PCDH18: variants seen among roughly 807,000 people sequenced by gnomAD.
PCDH18 encodes protocadherin-18.
In PCDH18, 38 loss-of-function variants were observed where a neutral mutation model predicts 71.5. The observed-to-expected ratio is 0.53, with a 90% CI of 0.41 to 0.70. The LOEUF (loss-of-function observed/expected upper bound fraction) is 0.70. Ranked by LOEUF, PCDH18 falls within the 30% of genes least tolerant of loss-of-function variation. The probability of loss-of-function intolerance (pLI) is 0.00; values close to 1 mark genes in which losing one functional copy is unlikely to be tolerated. For synonymous variants in PCDH18, 565 were observed against 505.4 expected (o/e 1.12, Z -1.58); for missense variants, 1,334 against 1,384.6 (o/e 0.96, Z 0.58).
In PCDH18 at chr4:137,521,689, T is replaced by C. The variant is rs1037323028; in HGVS notation, c.2748A>G (p.Arg916=). Residue 916 remains arginine, a synonymous_variant, in exon 4 of 4, where the codon AGA becomes AGG. Transcript: ENST00000344876. Reference sequence around the variant, plus strand: ...GGACCCTGCACTCCTCCGTGCAGAGTCTCATAGCTGCACTCAAGAAAAACA... The same window carrying C: ...GGACCCTGCACTCCTCCGTGCAGAGCCTCATAGCTGCACTCAAGAAAAACA... ...LTDGRIPAAM[R]LCTEECRVLG... is the part of the protein sequence containing the mutation. 1.8e-5 allele frequency: 28 copies of C among 1,597,944 alleles called. No homozygotes were observed. In the Admixed American group the frequency reaches 3.3e-4, roughly 19 times the overall value.
chr4:137,519,760 C>T lies in PCDH18; in HGVS notation c.*1269G>A, dbSNP rs951371226. On this transcript the variant is annotated 3_prime_UTR_variant, in exon 4 of 4. Coordinates refer to ENST00000344876, the MANE Select transcript of PCDH18 (RefSeq NM_019035.5). ...AGAAAAATTTTCTGGAGAGTACAAT[C>T]AAGATAGTGTATTATTAGAAATAAC... 6.6e-6 allele frequency: 1 copy of T among 152,174 alleles called. No individual in the cohort carries two copies. The highest frequency in any genetic ancestry group is 2.4e-5 in the African/African-American group (1 of 41,376). 9.4% of individuals were successfully genotyped at this position (152,174 alleles called of 1,614,324 possible).
At chr4:137,525,601 A>G (rs1362972843) in intron 3 of PCDH18, among the ~76,000 whole-genome samples, 4 of 152,190 alleles carry the variant, frequency 2.6e-5, no homozygotes, top group South Asian at 2.1e-4. Context: ...TTATCTTTGT[A>G]TAGATACACA....
At chr4:137,528,402 G>A (rs1731540388) in intron 3 of PCDH18, 76 bp downstream of exon 3, 1 of 1,130,950 alleles carries the variant, frequency 8.8e-7, no homozygotes, top group East Asian at 2.4e-5. Context: ...AGAAATATAA[G>A]CATGAGAGAA....
chr4:137,526,284 A>T (rs1016137501), intron 3 of PCDH18, among the ~76,000 whole-genome samples: 1 of 152,084 alleles, frequency 6.6e-6, no homozygotes, highest in Non-Finnish European at 1.5e-5. Flanking sequence ...ATGCTGATAA[A>T]TTTAAATTTC....
rs994101291 is a variant in PCDH18 at position 137,528,984 on chromosome 4, G to T, written c.2488-164C>A. On this transcript the variant is annotated intron_variant, in intron 1 of 3. Coordinates refer to ENST00000344876, the MANE Select transcript of PCDH18 (RefSeq NM_019035.5). ...TGGACTGTGGCGGACCACGCAGCCA[G>T]CTACCAACTATAACTAAAATATATC... The T allele has an allele frequency of 4.3e-5, 26 of 608,254 alleles. No homozygotes were observed. In the South Asian group the frequency reaches 5.3e-4, roughly 12 times the overall value. 37.7% of individuals were successfully genotyped at this position (608,254 alleles called of 1,614,324 possible).
chr4:137,523,998 C>T (rs567725123), intron 3 of PCDH18, among the ~76,000 whole-genome samples: 1 of 152,090 alleles, frequency 6.6e-6, no homozygotes, highest in South Asian at 2.1e-4. Flanking sequence ...TTCTTGCAAC[C>T]TCATTGATAT....
intron 3 of PCDH18, among the ~76,000 whole-genome samples, chr4:137,526,958 TAAAAAA>T (rs750084137): frequency 7.8e-6 from 1 of 127,734 alleles, no homozygotes; most frequent in Non-Finnish European, 1.7e-5. Flanking sequence ...TTCCAAATCT[TAAAAAA>T]AAAAAAAAAA....
rs1266246962 is a variant in PCDH18, at chr4:137,521,085, C to T, written c.3352G>A (p.Ala1118Thr). The T allele has an allele frequency of 3.7e-6, 6 of 1,613,344 alleles. No homozygotes were observed. Among genetic ancestry groups the T allele is most frequent in the Non-Finnish European group, 5.1e-6 (6 of 1,179,400 alleles). ...TTAATCTCTGCCACCAGTTCACTGGCATCCATGAGTTCGTGTTTCCCATCA... is the reference window on the plus strand; with the variant it reads ...TTAATCTCTGCCACCAGTTCACTGGTATCCATGAGTTCGTGTTTCCCATCA... ...LNDGKHELMD[A>T]SELVAEINKL... Residue 1118 changes from alanine to threonine, a missense_variant, in exon 4 of 4, where the codon GCC becomes ACC. Coordinates refer to ENST00000344876, the MANE Select transcript of PCDH18 (RefSeq NM_019035.5).
At chr4:137,524,888 A>G (rs1731400891) in intron 3 of PCDH18, among the ~76,000 whole-genome samples, 1 of 152,186 alleles carries the variant, frequency 6.6e-6, no homozygotes, top group Admixed American at 6.6e-5. Flanking sequence ...GACAGTGAAT[A>G]TCAGTTTGCA....
At chr4:137,527,214 T>C (rs1489102058) in intron 3 of PCDH18, among the ~76,000 whole-genome samples, 1 of 152,122 alleles carries the variant, frequency 6.6e-6, no homozygotes, top group Non-Finnish European at 1.5e-5. Context: ...AGGGGATTGG[T>C]CCAGGCCCCC....
In PCDH18 at chr4:137,532,243, T is replaced by A. The variant is rs906062610; in HGVS notation, c.-155A>T. ...GCAATTAACAGCTCGCAAACTTTTG[T>A]TTTATACACACCGTGTCACGACTTC... On this transcript the variant is annotated 5_prime_UTR_variant, in exon 1 of 4. Coordinates refer to ENST00000344876, the MANE Select transcript of PCDH18 (RefSeq NM_019035.5). 8.3e-6 allele frequency: 6 copies of A among 725,658 alleles called. No homozygotes were observed. In the African/African-American group the frequency reaches 1.0e-4, roughly 13 times the overall value. 45.0% of individuals were successfully genotyped at this position (725,658 alleles called of 1,614,324 possible). A position where few individuals can be genotyped will look rare whatever the true frequency, so the allele number is the denominator to read the frequency against.
At chr4:137,524,677 C>G (rs907451142) in intron 3 of PCDH18, among the ~76,000 whole-genome samples, 2 of 152,096 alleles carry the variant, frequency 1.3e-5, no homozygotes, top group African/African-American at 4.8e-5. Context: ...ACAAAAGATA[C>G]AAAGATGGCA....
chr4:137,530,113 T>C lies in PCDH18; in HGVS notation c.1976A>G (p.Gln659Arg). The C allele has an allele frequency of 6.2e-7, 1 of 1,613,432 alleles. No homozygotes were observed. The highest frequency in any genetic ancestry group is 2.2e-5 in the East Asian group (1 of 44,846). Residue 659 changes from glutamine (Q) to arginine (R), a missense_variant, in exon 1 of 4, where the codon CAG becomes CGG. Physicochemically the swap from Gln to Arg is conservative, Grantham distance 43. Around this residue, in one of 3 missense-constraint regions of PCDH18, gnomAD observed 1,011 missense variants for 1,048.0 expected, o/e 0.96. Transcript: ENST00000344876. Reference protein sequence around the residue: ...YTEWELSVIIQDKGNPQLHTK... With the variant: ...YTEWELSVIIRDKGNPQLHTK... Reference sequence around the variant, plus strand: ...ATGTAGCTGAGGATTGCCTTTGTCCTGAATGATAACTGACAGCTCCCATTC... The same window carrying C: ...ATGTAGCTGAGGATTGCCTTTGTCCCGAATGATAACTGACAGCTCCCATTC...
chr4:137,526,940 C>T (rs1030851608), intron 3 of PCDH18, among the ~76,000 whole-genome samples: 2 of 142,570 alleles, frequency 1.4e-5, no homozygotes, highest in East Asian at 2.1e-4. Context: ...ACCTTTATAA[C>T]TTTCAGTTTC....
At position 137,530,699 on chromosome 4, in the gene PCDH18, G is replaced by C; in HGVS notation, c.1390C>G (p.His464Asp). The change falls in exon 1 of 4, where the codon CAC becomes GAC. Residue 464 changes from histidine to aspartate, a missense_variant. His to Asp is a moderately conservative substitution (Grantham distance 81). This residue lies in a region of PCDH18 where 1,011 missense variants were observed against 1,048.0 expected (regional missense o/e 0.96). Coordinates refer to ENST00000344876, the MANE Select transcript of PCDH18 (RefSeq NM_019035.5). ...QINDINDNPP[H>D]FQRSRYEFVI... ...AATTCATATCGGCTTCTCTGGAAGT[G>C]GGGTGGATTGTCATTGATATCATTG... 3.1e-6 allele frequency: 5 copies of C among 1,612,918 alleles called. No homozygotes were observed. The highest frequency in any genetic ancestry group is 4.2e-6 in the Non-Finnish European group (5 of 1,179,376).
chr4:137,532,081 T>C lies in PCDH18; in HGVS notation c.8A>G (p.Gln3Arg). 1 of 1,607,136 alleles carries C rather than the reference T, an allele frequency of 6.2e-7. No individual in the cohort carries two copies. Among genetic ancestry groups the C allele is most frequent in the Non-Finnish European group, 8.5e-7 (1 of 1,175,824 alleles). Residue 3 changes from glutamine (Q) to arginine (R), a missense_variant, in exon 1 of 4, where the codon CAA becomes CGA. This residue lies in a region of PCDH18 where 1,011 missense variants were observed against 1,048.0 expected (regional missense o/e 0.96). Transcript: ENST00000344876. The part of the protein sequence containing the change: MH[Q>R]MNAKMHFRFV... ...CCTAAAGTGCATTTTAGCATTCATT[T>C]GGTGCATTGGTCAGTTTATGAGATT...
At chr4:137,523,614 T>A (rs1213496630) in intron 3 of PCDH18, among the ~76,000 whole-genome samples, 1 of 152,090 alleles carries the variant, frequency 6.6e-6, no homozygotes, top group Non-Finnish European at 1.5e-5. Flanking sequence ...AGGACTTAGT[T>A]GTTTGATTCA....
In PCDH18 at chr4:137,530,372, C is replaced by T. The variant is rs964510877; in HGVS notation, c.1717G>A (p.Val573Ile). 5.0e-6 allele frequency: 8 copies of T among 1,614,052 alleles called. No individual in the cohort carries two copies. The highest frequency in any genetic ancestry group is 1.3e-5 in the African/African-American group (1 of 75,016). The change falls in exon 1 of 4, where the codon GTT (valine) becomes ATT (isoleucine). Residue 573 changes from valine (V) to isoleucine (I), a missense_variant. Val to Ile is a conservative substitution (Grantham distance 29). This residue lies in a region of PCDH18 where 1,011 missense variants were observed against 1,048.0 expected (regional missense o/e 0.96). Coordinates refer to ENST00000344876, the MANE Select transcript of PCDH18 (RefSeq NM_019035.5). ...VLTIIDENDN[V>I]PVVIGPALRN... ...AATGCAGGCCCTATAACCACAGGAACGTTGTCATTTTCGTCAATGATGGTG... is the reference window on the plus strand; with the variant it reads ...AATGCAGGCCCTATAACCACAGGAATGTTGTCATTTTCGTCAATGATGGTG...
chr4:137,529,520 A>T, intron 1 of PCDH18, 82 bp downstream of exon 1: 1 of 938,892 alleles, frequency 1.1e-6, no homozygotes, highest in Non-Finnish European at 1.6e-6. Flanking sequence ...CTTATTAATG[A>T]AAACATTTAA....
Sources: gnomAD v4.1 joint callset for allele counts (sites outside exome capture counted in the v4.1 genomes callset) on GRCh38, gnomAD v4.1.1 for gene constraint, gnomAD v4.1.1 regional missense constraint, MANE v1.5 for transcripts, NCBI Gene and HGNC (gene_info 2026-07-23, HGNC 2026-07-21) for gene names.